TTC28: variants seen among roughly 807,000 people sequenced by gnomAD.
TTC28 encodes the protein tetratricopeptide repeat protein 28.
TTC28 carries 61 observed loss-of-function variants against 198.0 expected under a neutral mutation model. The observed-to-expected ratio is 0.31, with a 90% CI of 0.25 to 0.38. The LOEUF is 0.38. Among genes scored for constraint, TTC28 ranks in the 10% least tolerant of loss-of-function variants. TTC28 has a pLI of 1.00. For missense variants in TTC28, 2,678 were observed against 3,164.0 expected, an observed-to-expected ratio of 0.85 and a Z score of 3.69; for synonymous variants, 1,171 against 1,297.8, an observed-to-expected ratio of 0.90 and a Z score of 2.10.
At chr22:28,118,987 G>A (rs949340230) in intron 6 of TTC28, among the ~76,000 whole-genome samples, 12 of 152,154 alleles carry the variant, frequency 7.9e-5, no homozygotes, top group African/African-American at 2.9e-4. Flanking sequence ...CTTTGCCTTG[G>A]TAATTGGTGT....
intron 2 of TTC28, among the ~76,000 whole-genome samples, chr22:28,598,780 A>T (rs2050587050): frequency 6.6e-6 from 1 of 152,208 alleles, no homozygotes; most frequent in African/African-American, 2.4e-5. Flanking sequence ...GGTCAAAGTT[A>T]AAAGAAGATG....
intron 5 of TTC28, among the ~76,000 whole-genome samples, chr22:28,171,024 A>C (rs1922626305): frequency 6.6e-6 from 1 of 150,426 alleles, no homozygotes; most frequent in African/African-American, 2.5e-5. Flanking sequence ...AAAAGCATGC[A>C]AACCCTTTTT....
At chr22:28,386,508 T>C (rs1216216088) in intron 2 of TTC28, among the ~76,000 whole-genome samples, 1 of 152,162 alleles carries the variant, frequency 6.6e-6, no homozygotes, top group African/African-American at 2.4e-5. Flanking sequence ...TTGCTGACTA[T>C]ACAATCACAA....
intron 6 of TTC28, among the ~76,000 whole-genome samples, chr22:28,142,477 A>G (rs1943364065): frequency 6.6e-6 from 1 of 152,230 alleles, no homozygotes; most frequent in Non-Finnish European, 1.5e-5. Context: ...TGAGCAATGT[A>G]GCAATCGTGC....
chr22:28,032,175 T>TATATATATATATA (rs1939120150), intron 12 of TTC28, among the ~76,000 whole-genome samples: 1 of 79,092 alleles, frequency 1.3e-5, no homozygotes, highest in Non-Finnish European at 2.3e-5. Flanking sequence ...TGTGTATATA[T>TATATATATATATA]ATATATATAT....
At chr22:28,507,370 A>G (rs1374587582) in intron 2 of TTC28, among the ~76,000 whole-genome samples, 1 of 152,208 alleles carries the variant, frequency 6.6e-6, no homozygotes, top group Non-Finnish European at 1.5e-5. Context: ...AGAAAAAAGA[A>G]TAAAAAGGAA....
intron 1 of TTC28, among the ~76,000 whole-genome samples, chr22:28,631,080 G>A (rs1205474170): frequency 6.6e-6 from 1 of 152,126 alleles, no homozygotes; most frequent in Non-Finnish European, 1.5e-5. Context: ...AACTGCACCT[G>A]TGAATAGCCA....
intron 5 of TTC28, among the ~76,000 whole-genome samples, chr22:28,265,678 G>A (rs1158150166): frequency 1.3e-5 from 2 of 151,918 alleles, no homozygotes; most frequent in Non-Finnish European, 2.9e-5. Context: ...AAAATTCTTG[G>A]GACAAGAATT....
chr22:28,295,954 G>C (rs1026660100), intron 5 of TTC28, among the ~76,000 whole-genome samples: 1 of 152,068 alleles, frequency 6.6e-6, no homozygotes, highest in Non-Finnish European at 1.5e-5. Flanking sequence ...CAATGCATCT[G>C]ACAAAGCTGT....
intron 2 of TTC28, among the ~76,000 whole-genome samples, chr22:28,366,479 T>C (rs2046249258): frequency 6.6e-6 from 1 of 152,128 alleles, no homozygotes; most frequent in African/African-American, 2.4e-5. Context: ...AAAAAAAAGA[T>C]ATGCAGATAA....
intron 2 of TTC28, among the ~76,000 whole-genome samples, chr22:28,331,364 T>G (rs2045613984): frequency 6.6e-6 from 1 of 152,066 alleles, no homozygotes; most frequent in South Asian, 2.1e-4. Context: ...AATGAAAATG[T>G]TAGGAATATG....
At chr22:28,214,393 G>A (rs1927199537) in intron 5 of TTC28, among the ~76,000 whole-genome samples, 1 of 152,118 alleles carries the variant, frequency 6.6e-6, no homozygotes, top group Non-Finnish European at 1.5e-5. Flanking sequence ...CTAACAAAGG[G>A]CGAATATCCA....
intron 6 of TTC28, among the ~76,000 whole-genome samples, chr22:28,150,945 A>G (rs910766365): frequency 1.3e-4 from 20 of 152,220 alleles, no homozygotes; most frequent in Middle Eastern, 3.2e-3. Context: ...TCAGAAATAA[A>G]TATTCTCCAA....
intron 2 of TTC28, among the ~76,000 whole-genome samples, chr22:28,360,666 C>A (rs892203098): frequency 1.3e-5 from 2 of 152,052 alleles, no homozygotes; most frequent in African/African-American, 4.8e-5. Context: ...AGCTGATATT[C>A]AAAATTGGAA....
In TTC28 at chr22:28,566,106, C is replaced by T. The variant is rs111965080; in HGVS notation, c.381+63446G>A. 6.0e-3 allele frequency among the ~76,000 whole-genome samples: 907 copies of T among 152,192 alleles called. 5 individuals are homozygous for T. The highest frequency in any genetic ancestry group is 0.01 in the Non-Finnish European group (706 of 68,006). ...AAATGGGCTTGGGTCAATACCCCTG[C>T]TTTTGTATGGCCTCCATATATAGAG... On this transcript the variant is annotated intron_variant, in intron 2 of 22. Coordinates refer to ENST00000397906, the MANE Select transcript of TTC28 (RefSeq NM_001145418.2).
At position 28,199,530 on chromosome 22, in the gene TTC28, C is replaced by CATATATATATATATATATATATAT. The variant is rs10689151; in HGVS notation, c.934-35932_934-35931insATATATATATATATATATATATAT. Among the ~76,000 whole-genome samples the CATATATATATATATATATATATAT allele has an allele frequency of 3.4e-3, 467 of 138,816 alleles. 2 individuals are homozygous for CATATATATATATATATATATATAT. The highest frequency in any genetic ancestry group is 8.7e-3 in the African/African-American group (317 of 36,578). 91.1% of individuals were successfully genotyped at this position (138,816 alleles called of 152,430 possible). A position where few individuals can be genotyped will look rare whatever the true frequency, so the allele number is the denominator to read the frequency against. On this transcript the variant is annotated intron_variant, in intron 5 of 22. Transcript: ENST00000397906. ...CTCTTCAAAAAAAGAAATACCTATA[C>CATATATATATATATATATATATAT]ATATATATATATATATATACACACA...
chr22:28,116,983 A>C (rs1337998856), intron 6 of TTC28, among the ~76,000 whole-genome samples: 1 of 152,172 alleles, frequency 6.6e-6, no homozygotes, highest in Non-Finnish European at 1.5e-5. Flanking sequence ...TCTGCAGTAG[A>C]CTTTACCAAT....
chr22:28,018,836 T>A (rs1030684488), intron 13 of TTC28, among the ~76,000 whole-genome samples: 7 of 152,202 alleles, frequency 4.6e-5, no homozygotes, highest in Admixed American at 2.0e-4. Flanking sequence ...GGACAGGATG[T>A]GGCAGGATAC....
At chr22:28,137,492 C>A (rs886196966) in intron 6 of TTC28, among the ~76,000 whole-genome samples, 2 of 152,032 alleles carry the variant, frequency 1.3e-5, no homozygotes, top group Non-Finnish European at 2.9e-5. Context: ...CCTGCAAGAA[C>A]CTTAAACAAA....
Sources: allele counts gnomAD v4.1 joint callset (sites outside exome capture counted in the v4.1 genomes callset), GRCh38; gene constraint gnomAD v4.1.1; transcripts MANE v1.5; gene names NCBI Gene and HGNC (gene_info 2026-07-23, HGNC 2026-07-21).